Variants in DOK5 observed in about 807,000 individuals in gnomAD.
DOK5 encodes the protein docking protein 5, also known as downstream of tyrosine kinase 5.
DOK5 carries 27 observed loss-of-function variants against 43.3 expected under a neutral mutation model. That is an observed-to-expected ratio of 0.62 (90% confidence interval 0.46 to 0.86). The LOEUF (loss-of-function observed/expected upper bound fraction) is 0.86. Among genes scored for constraint, DOK5 ranks in the 40% least tolerant of loss-of-function variants. The pLI is 0.00. For missense variants in DOK5, 373 were observed against 392.9 expected (o/e 0.95, Z 0.43); for synonymous variants, 146 against 140.1 (o/e 1.04, Z -0.30).
chr20:54,547,509 C>A (rs2146721797), intron 1 of DOK5, among the ~76,000 whole-genome samples: 1 of 152,226 alleles, frequency 6.6e-6, no homozygotes, highest in South Asian at 2.1e-4. Flanking sequence ...TCAGCTGCTT[C>A]TTAGAACTGG....
intron 2 of DOK5, among the ~76,000 whole-genome samples, chr20:54,563,332 G>T (rs1190167288): frequency 6.6e-6 from 1 of 152,122 alleles, no homozygotes; most frequent in Non-Finnish European, 1.5e-5. Flanking sequence ...CATTTTCCTG[G>T]TGGTTGCCTC....
intron 1 of DOK5, among the ~76,000 whole-genome samples, chr20:54,516,986 C>T (rs566308663): frequency 6.6e-6 from 1 of 152,306 alleles, no homozygotes; most frequent in East Asian, 1.9e-4. Context: ...GAAAGCCATG[C>T]TTATTGCTTT....
intron 1 of DOK5, among the ~76,000 whole-genome samples, chr20:54,509,535 T>C (rs1038050039): frequency 1.3e-5 from 2 of 152,374 alleles, no homozygotes; most frequent in Middle Eastern, 3.4e-3. Flanking sequence ...TGGGAGGCCA[T>C]TGCTGGGTTT....
At chr20:54,558,154 A>G (rs1232312653) in intron 2 of DOK5, among the ~76,000 whole-genome samples, 1 of 152,198 alleles carries the variant, frequency 6.6e-6, no homozygotes, top group African/African-American at 2.4e-5. Context: ...ATTTGGAGAA[A>G]ATAGGGTGGG....
At chr20:54,579,656 A>G (rs1985572456) in intron 2 of DOK5, among the ~76,000 whole-genome samples, 1 of 152,086 alleles carries the variant, frequency 6.6e-6, no homozygotes, top group Admixed American at 6.5e-5. Context: ...ACCATGCAGT[A>G]TTTGTCCTTT....
chr20:54,627,642 G>T (rs1978362198), intron 6 of DOK5, among the ~76,000 whole-genome samples: 1 of 152,168 alleles, frequency 6.6e-6, no homozygotes, highest in Admixed American at 6.5e-5. Context: ...ACAGGGTAAG[G>T]GTACGGGAAA....
intron 2 of DOK5, among the ~76,000 whole-genome samples, chr20:54,576,336 A>T (rs1383148800): frequency 6.6e-6 from 1 of 152,206 alleles, no homozygotes; most frequent in Non-Finnish European, 1.5e-5. Context: ...TACTGCTCAG[A>T]AGCCAAAACT....
rs1416702061 is a variant in DOK5, at chr20:54,591,726, G to A, written c.520G>A (p.Val174Ile). 6.8e-6 allele frequency: 11 copies of A among 1,614,124 alleles called. No individual in the cohort carries two copies. Among genetic ancestry groups the A allele is most frequent in the Middle Eastern group, 1.6e-4 (1 of 6,084 alleles). The change falls in exon 5 of 8, where the codon GTC becomes ATC. Residue 174 changes from valine (V) to isoleucine (I), a missense_variant. Val to Ile is a conservative substitution (Grantham distance 29). Coordinates refer to ENST00000262593, the MANE Select transcript of DOK5 (RefSeq NM_018431.5). ...TCTTTGGGACGTCCAGAATCCCAGA[G>A]TCAAACTCATCTCTTGGCCGCTAAG... Reference protein sequence around the residue: ...ICLWDVQNPRVKLISWPLSAL... With the variant: ...ICLWDVQNPRIKLISWPLSAL...
intron 2 of DOK5, among the ~76,000 whole-genome samples, chr20:54,569,160 A>T (rs1985202619): frequency 6.6e-6 from 1 of 152,172 alleles, no homozygotes; most frequent in Non-Finnish European, 1.5e-5. Context: ...TTCATTACAT[A>T]TTATACATAT....
intron 6 of DOK5, among the ~76,000 whole-genome samples, chr20:54,637,458 G>A (rs1978876774): frequency 6.6e-6 from 1 of 152,212 alleles, no homozygotes. Flanking sequence ...AATGTTCAGT[G>A]CTAAACTCCC....
chr20:54,553,740 T>C (rs1244016446), intron 1 of DOK5, among the ~76,000 whole-genome samples: 3 of 150,880 alleles, frequency 2.0e-5, no homozygotes, highest in African/African-American at 7.3e-5. Context: ...ACTAAAAAAA[T>C]ACAAAAATTA....
chr20:54,604,435 C>T (rs1370210530), intron 5 of DOK5, among the ~76,000 whole-genome samples: 1 of 151,870 alleles, frequency 6.6e-6, no homozygotes, highest in Non-Finnish European at 1.5e-5. Flanking sequence ...CTGTACATTT[C>T]CTTTTTTAAT....
chr20:54,480,454 G>C (rs973939814), intron 1 of DOK5, among the ~76,000 whole-genome samples: 3 of 152,226 alleles, frequency 2.0e-5, no homozygotes, highest in Non-Finnish European at 4.4e-5. Context: ...ACGTCAGGAA[G>C]TTACCCTTGG....
intron 6 of DOK5, among the ~76,000 whole-genome samples, chr20:54,620,072 A>G (rs1397116169): frequency 6.6e-6 from 1 of 152,194 alleles, no homozygotes; most frequent in Non-Finnish European, 1.5e-5. Flanking sequence ...TGTGCTGCTT[A>G]AAGCAATTAT....
intron 2 of DOK5, among the ~76,000 whole-genome samples, chr20:54,561,788 C>T (rs1984915466): frequency 6.6e-6 from 1 of 152,204 alleles, no homozygotes; most frequent in Non-Finnish European, 1.5e-5. Flanking sequence ...TCCCAAGTAG[C>T]TGGGATTATA....
intron 1 of DOK5, among the ~76,000 whole-genome samples, chr20:54,548,319 C>A (rs1984414099): frequency 6.6e-6 from 1 of 152,136 alleles, no homozygotes; most frequent in African/African-American, 2.4e-5. Flanking sequence ...ACTGCAGCCT[C>A]CACTTCCCTG....
chr20:54,526,692 A>G (rs533381659), intron 1 of DOK5, among the ~76,000 whole-genome samples: 61 of 152,258 alleles, frequency 4.0e-4, no homozygotes, highest in African/African-American at 1.3e-3. Context: ...TTTTTTCAGA[A>G]ATACCTGGAA....
At chr20:54,528,086 T>C (rs1983639146) in intron 1 of DOK5, among the ~76,000 whole-genome samples, 2 of 152,106 alleles carry the variant, frequency 1.3e-5, no homozygotes, top group South Asian at 2.1e-4. Flanking sequence ...TAGGCGCCTG[T>C]AATCCCAGCT....
intron 2 of DOK5, among the ~76,000 whole-genome samples, chr20:54,564,588 G>A (rs959494911): frequency 1.3e-5 from 2 of 151,880 alleles, no homozygotes; most frequent in South Asian, 2.1e-4. Flanking sequence ...CAGAATGACA[G>A]GTTTCAAAGA....
Sources: allele counts gnomAD v4.1 joint callset (sites outside exome capture counted in the v4.1 genomes callset), GRCh38; gene constraint gnomAD v4.1.1; transcripts MANE v1.5; gene names NCBI Gene and HGNC (gene_info 2026-07-23, HGNC 2026-07-21).